The following RARB variants were observed in gnomAD, a reference collection of about 807,000 sequenced individuals.
RARB encodes HBV-activated protein.
Under a neutral mutation model 51.9 loss-of-function variants are expected in RARB, and 17 were observed. That is an observed-to-expected ratio of 0.33 (90% CI 0.22 to 0.49). The LOEUF (loss-of-function observed/expected upper bound fraction) is 0.49, where lower values mean the gene tolerates loss of function less well. Among genes scored for constraint, RARB ranks in the 20% least tolerant of loss-of-function variants. The probability of loss-of-function intolerance (pLI) is 0.99; values close to 1 mark genes in which losing one functional copy is unlikely to be tolerated. For synonymous variants in RARB, 215 were observed against 195.4 expected (o/e 1.10, Z -0.84); for missense variants, 369 against 550.8 (o/e 0.67, Z 3.30).
chr3:25,549,808 T>C (rs1468048113), intron 3 of RARB, among the ~76,000 whole-genome samples: 6 of 152,152 alleles, frequency 3.9e-5, no homozygotes, highest in African/African-American at 1.2e-4. Flanking sequence ...ACATTACCAT[T>C]CTTTCATGGT....
intron 5 of RARB, among the ~76,000 whole-genome samples, chr3:25,356,787 A>G (rs1705752504): frequency 6.6e-6 from 1 of 152,086 alleles, no homozygotes; most frequent in Non-Finnish European, 1.5e-5. Flanking sequence ...TTCCTGTGTT[A>G]GTTTGCTGAG....
intron 2 of RARB, among the ~76,000 whole-genome samples, chr3:24,998,387 A>G (rs1164395911): frequency 6.6e-6 from 1 of 151,750 alleles, no homozygotes; most frequent in Non-Finnish European, 1.5e-5. Context: ...TTAGTTGCAT[A>G]TGATCCTATG....
At chr3:24,898,109 T>G (rs903204137) in intron 2 of RARB, among the ~76,000 whole-genome samples, 3 of 152,174 alleles carry the variant, frequency 2.0e-5, no homozygotes, top group Admixed American at 1.3e-4. Flanking sequence ...GCCATGGAGT[T>G]AGGAGTCAAG....
chr3:25,339,895 C>G (rs1423013765), intron 5 of RARB, among the ~76,000 whole-genome samples: 1 of 152,140 alleles, frequency 6.6e-6, no homozygotes, highest in Non-Finnish European at 1.5e-5. Flanking sequence ...ACTTGCACAA[C>G]TCTGGCTGCA....
At chr3:25,189,163 A>T (rs925405299) in intron 5 of RARB, among the ~76,000 whole-genome samples, 2 of 152,110 alleles carry the variant, frequency 1.3e-5, no homozygotes, top group African/African-American at 4.8e-5. Context: ...TTTTAATATC[A>T]TCCCTCAATG....
intron 2 of RARB, among the ~76,000 whole-genome samples, chr3:25,040,922 C>T (rs1698101244): frequency 6.6e-6 from 1 of 152,176 alleles, no homozygotes; most frequent in Non-Finnish European, 1.5e-5. Flanking sequence ...AAAGTCAGCT[C>T]ATTGCTGGAA....
chr3:24,870,500 G>GC (rs1196215939), intron 2 of RARB, among the ~76,000 whole-genome samples: 3 of 151,990 alleles, frequency 2.0e-5, no homozygotes, highest in Non-Finnish European at 1.5e-5. Context: ...TATCAACACT[G>GC]CTTTGTTTAA....
intron 2 of RARB, among the ~76,000 whole-genome samples, chr3:25,474,348 G>A (rs747632589): frequency 2.0e-5 from 3 of 152,170 alleles, no homozygotes; most frequent in East Asian, 1.9e-4. Context: ...GGGACTTTGC[G>A]ATTATGGTCA....
chr3:24,991,763 T>G (rs571872178), intron 2 of RARB, among the ~76,000 whole-genome samples: 1 of 148,608 alleles, frequency 6.7e-6, no homozygotes, highest in Admixed American at 6.7e-5. Context: ...TGGAGGGTGT[T>G]TTTTTTTTTT....
chr3:25,485,916 C>T (rs1696445799), intron 2 of RARB, among the ~76,000 whole-genome samples: 1 of 152,120 alleles, frequency 6.6e-6, no homozygotes, highest in African/African-American at 2.4e-5. Flanking sequence ...GAAGCTCACA[C>T]TGGTTGGGGT....
At chr3:25,356,334 C>T (rs1037499183) in intron 5 of RARB, among the ~76,000 whole-genome samples, 2 of 152,054 alleles carry the variant, frequency 1.3e-5, no homozygotes, top group African/African-American at 2.4e-5. Flanking sequence ...AAGGTTTAAA[C>T]GTTGCCTTTT....
At chr3:25,353,979 G>A (rs912092051) in intron 5 of RARB, among the ~76,000 whole-genome samples, 6 of 152,008 alleles carry the variant, frequency 3.9e-5, no homozygotes, top group Non-Finnish European at 5.9e-5. Context: ...TTCTGGGGGA[G>A]CACATTCATA....
chr3:25,343,595 C>G (rs1705298483), intron 5 of RARB, among the ~76,000 whole-genome samples: 1 of 151,886 alleles, frequency 6.6e-6, no homozygotes. Context: ...TCCACAGAAC[C>G]CAGTTCCTTA....
At chr3:24,980,652 T>A (rs1696640761) in intron 2 of RARB, among the ~76,000 whole-genome samples, 1 of 152,176 alleles carries the variant, frequency 6.6e-6, no homozygotes, top group Non-Finnish European at 1.5e-5. Flanking sequence ...GTTATTCTAG[T>A]TAGCCATTCG....
chr3:24,931,633 G>A (rs532164418), intron 2 of RARB, among the ~76,000 whole-genome samples: 53 of 152,218 alleles, frequency 3.5e-4, no homozygotes, highest in African/African-American at 1.3e-3. Flanking sequence ...GATAGGTACA[G>A]TCACAAAACT....
At chr3:25,024,835 C>A (rs1327932708) in intron 2 of RARB, among the ~76,000 whole-genome samples, 2 of 151,528 alleles carry the variant, frequency 1.3e-5, no homozygotes, top group Admixed American at 6.6e-5. Flanking sequence ...CGGCAGTAGT[C>A]CCAGCTACTA....
rs140901355 is a variant in RARB at position 25,400,086 on chromosome 3, A to G, written c.179-61107A>G. On this transcript the variant is annotated intron_variant, in intron 5 of 11. Transcript: ENST00000383772. Reference sequence around the variant, plus strand: ...CATACTGGAAGCATTTAATAATGCTACCCATTATTACTATCATCTGGAAGA... The same window carrying G: ...CATACTGGAAGCATTTAATAATGCTGCCCATTATTACTATCATCTGGAAGA... 2.8e-3 allele frequency among the ~76,000 whole-genome samples: 430 copies of G among 152,328 alleles called. 2 individuals carry two copies. The highest frequency in any genetic ancestry group is 5.0e-3 in the Non-Finnish European group (340 of 68,022).
intron 3 of RARB, among the ~76,000 whole-genome samples, chr3:25,079,209 TA>T (rs1698939167): frequency 6.6e-6 from 1 of 152,214 alleles, no homozygotes. Flanking sequence ...AAATATAATT[TA>T]TTTTTGCATA....
At position 25,293,597 on chromosome 3, in the gene RARB, TAAAA is replaced by T. The variant is rs10713675; in HGVS notation, c.178+119040_178+119043del. ...TTCCCGAGGCTAGAGTTACTCCATT[TAAAA>T]AAAAAAAAAAAAAAAAAGTTCAGAG... is the stretch of plus-strand genomic sequence containing the variant. On this transcript the variant is annotated intron_variant, in intron 5 of 11. Coordinates refer to the RARB transcript ENST00000383772. Among the ~76,000 whole-genome samples the T allele has an allele frequency of 6.4e-4, 44 of 68,646 alleles. 2 individuals carry two copies. Among genetic ancestry groups the T allele is most frequent in the African/African-American group, 1.3e-3 (31 of 23,944 alleles). 45.0% of individuals were successfully genotyped at this position (68,646 alleles called of 152,430 possible).
Sources: allele counts gnomAD v4.1 joint callset (sites outside exome capture counted in the v4.1 genomes callset), GRCh38; gene constraint gnomAD v4.1.1; transcripts MANE v1.5; gene names NCBI Gene and HGNC (gene_info 2026-07-23, HGNC 2026-07-21).